Variants in DKK2 observed in about 807,000 individuals in gnomAD.
DKK2 encodes dickkopf Wnt signaling pathway inhibitor 2.
Under a neutral mutation model 28.1 loss-of-function variants are expected in DKK2, and 11 were observed. That is an observed-to-expected ratio of 0.39 (90% CI 0.25 to 0.65). The LOEUF (loss-of-function observed/expected upper bound fraction) is 0.65. DKK2 is among the 30% of genes least tolerant of loss of function. The pLI is 0.47. For missense variants in DKK2, 326 were observed against 335.5 expected, an observed-to-expected ratio of 0.97 and a Z score of 0.22; for synonymous variants, 135 against 126.5, an observed-to-expected ratio of 1.07 and a Z score of -0.45.
chr4:106,966,130 A>G (rs1413024057), intron 1 of DKK2, among the ~76,000 whole-genome samples: 2 of 152,172 alleles, frequency 1.3e-5, no homozygotes, highest in African/African-American at 4.8e-5. Context: ...GGGAAAATGT[A>G]AAGGATTTTA....
chr4:106,975,220 C>T (rs1024151652), intron 1 of DKK2, among the ~76,000 whole-genome samples: 3 of 152,140 alleles, frequency 2.0e-5, no homozygotes, highest in Non-Finnish European at 4.4e-5. Context: ...GGTTGTGTCT[C>T]TGCCAGGTTT....
At chr4:106,935,725 C>T (rs1217284576) in intron 1 of DKK2, among the ~76,000 whole-genome samples, 1 of 152,206 alleles carries the variant, frequency 6.6e-6, no homozygotes, top group Non-Finnish European at 1.5e-5. Context: ...TGTCTGACAG[C>T]TTTGAAGAGA....
At chr4:106,931,476 G>C (rs1486361495) in intron 1 of DKK2, among the ~76,000 whole-genome samples, 1 of 151,802 alleles carries the variant, frequency 6.6e-6, no homozygotes, top group East Asian at 1.9e-4. Flanking sequence ...AAATTTTTTG[G>C]TGTGTGTGTT....
chr4:106,939,601 A>G (rs1724659569), intron 1 of DKK2, among the ~76,000 whole-genome samples: 1 of 152,220 alleles, frequency 6.6e-6, no homozygotes, highest in African/African-American at 2.4e-5. Context: ...AGAATTGGAA[A>G]AAACTACTTT....
At chr4:106,963,368 C>CA (rs1722721776) in intron 1 of DKK2, among the ~76,000 whole-genome samples, 2 of 150,632 alleles carry the variant, frequency 1.3e-5, no homozygotes, top group African/African-American at 2.4e-5. Flanking sequence ...AAAAAAGAGG[C>CA]AAAAAATCTT....
rs969861447 is a variant in DKK2 at position 106,921,825 on chromosome 4, T to G, written c.*2129A>C. On this transcript the variant is annotated 3_prime_UTR_variant, in exon 4 of 4. Coordinates refer to ENST00000285311, the MANE Select transcript of DKK2 (RefSeq NM_014421.3). ...AATTCAGTTTTTAGAGGAGAAAAAT[T>G]TAATAGATTTTATCTTATTATACAT... The G allele has an allele frequency of 6.6e-6, 1 of 152,534 alleles. No individual in the cohort carries two copies. Among genetic ancestry groups the G allele is most frequent in the African/African-American group, 2.4e-5 (1 of 41,436 alleles). 9.4% of individuals were successfully genotyped at this position (152,534 alleles called of 1,614,324 possible).
intron 1 of DKK2, among the ~76,000 whole-genome samples, chr4:106,996,635 C>T (rs570854154): frequency 6.6e-6 from 1 of 152,238 alleles, no homozygotes; most frequent in East Asian, 1.9e-4. Context: ...CCTCGGTGAT[C>T]TGTTTTGCTA....
chr4:106,938,064 A>G (rs1302966372), intron 1 of DKK2, among the ~76,000 whole-genome samples: 3 of 142,988 alleles, frequency 2.1e-5, no homozygotes, highest in African/African-American at 5.2e-5. Flanking sequence ...AAGAACTAGA[A>G]AAGCAAGAGC....
At chr4:106,997,253 AAC>A (rs1336075955) in intron 1 of DKK2, among the ~76,000 whole-genome samples, 2 of 152,194 alleles carry the variant, frequency 1.3e-5, no homozygotes, top group East Asian at 3.8e-4. Flanking sequence ...TTTAACATCT[AAC>A]ACAGAACCTG....
chr4:106,964,322 C>T (rs750112066), intron 1 of DKK2, among the ~76,000 whole-genome samples: 5 of 151,772 alleles, frequency 3.3e-5, no homozygotes, highest in Non-Finnish European at 2.9e-5. Flanking sequence ...TCCTGGAGGT[C>T]GAAAGTAGCA....
At chr4:106,986,965 C>A (rs186823681) in intron 1 of DKK2, among the ~76,000 whole-genome samples, 2 of 152,286 alleles carry the variant, frequency 1.3e-5, no homozygotes, top group East Asian at 1.9e-4. Context: ...TGACCACATA[C>A]AACTATGATT....
chr4:106,983,028 G>A (rs1342921218), intron 1 of DKK2, among the ~76,000 whole-genome samples: 2 of 131,580 alleles, frequency 1.5e-5, no homozygotes, highest in Non-Finnish European at 3.3e-5. Context: ...AAGGAAGGAA[G>A]AAGAAAGATG....
At chr4:106,975,633 CTTCT>C (rs1438774571) in intron 1 of DKK2, among the ~76,000 whole-genome samples, 1 of 151,832 alleles carries the variant, frequency 6.6e-6, no homozygotes, top group Non-Finnish European at 1.5e-5. Context: ...TCTCTCTTTC[CTTCT>C]TTATTAGTCT....
chr4:106,969,168 T>C (rs1398697790), intron 1 of DKK2, among the ~76,000 whole-genome samples: 1 of 151,936 alleles, frequency 6.6e-6, no homozygotes, highest in Non-Finnish European at 1.5e-5. Context: ...TTGCTCAGAA[T>C]TGATGCTGGG....
At chr4:106,996,011 A>G (rs1208434013) in intron 1 of DKK2, among the ~76,000 whole-genome samples, 2 of 152,204 alleles carry the variant, frequency 1.3e-5, no homozygotes, top group African/African-American at 4.8e-5. Context: ...TATTTGTCTC[A>G]GACTCTTAAT....
intron 1 of DKK2, among the ~76,000 whole-genome samples, chr4:106,946,041 A>G (rs1724771249): frequency 6.6e-6 from 1 of 152,112 alleles, no homozygotes; most frequent in African/African-American, 2.4e-5. Context: ...CCTGGAAACT[A>G]CAGATATTTT....
intron 1 of DKK2, among the ~76,000 whole-genome samples, chr4:106,965,014 T>C (rs1374409221): frequency 6.6e-6 from 1 of 150,562 alleles, no homozygotes; most frequent in Non-Finnish European, 1.5e-5. Context: ...GATTGATTGA[T>C]TCTGATTCTC....
rs555553614 is a variant in DKK2, at chr4:106,924,926, G to T, written c.374-226C>A. ...GTCTCTCTCAAGACCAAGTGACCTT[G>T]GACAAAACTGGGAATAAAAGCATAA... On this transcript the variant is annotated intron_variant, in intron 2 of 3. Coordinates refer to ENST00000285311, the MANE Select transcript of DKK2 (RefSeq NM_014421.3). 1.4e-4 allele frequency among the ~76,000 whole-genome samples: 22 copies of T among 152,114 alleles called. 1 individual carries two copies. In the South Asian group the frequency reaches 4.6e-3, roughly 32 times the overall value.
intron 1 of DKK2, among the ~76,000 whole-genome samples, chr4:107,009,175 G>A (rs957690817): frequency 8.6e-5 from 13 of 151,722 alleles, no homozygotes; most frequent in African/African-American, 3.1e-4. Flanking sequence ...CAGTTCAAAG[G>A]TAGGTGTCTA....
Sources: allele counts gnomAD v4.1 joint callset (sites outside exome capture counted in the v4.1 genomes callset), GRCh38; gene constraint gnomAD v4.1.1; transcripts MANE v1.5; gene names NCBI Gene and HGNC (gene_info 2026-07-23, HGNC 2026-07-21).